NECAP2: variants seen among roughly 807,000 people sequenced by gnomAD.
The protein encoded by NECAP2 is NECAP endocytosis associated 2, also known as adaptin ear-binding coat-associated protein 2.
NECAP2 carries 38 observed loss-of-function variants against 37.8 expected under a neutral mutation model. The observed-to-expected ratio is 1.01, with a 90% confidence interval of 0.78 to 1.32. NECAP2 has a LOEUF of 1.32. Among genes scored for constraint, NECAP2 ranks in the 40% most tolerant of loss-of-function variants. The pLI is 0.00. For missense variants in NECAP2, 316 were observed against 334.5 expected (o/e 0.94, Z 0.43); for synonymous variants, 121 against 127.7 (o/e 0.95, Z 0.35).
intron 6 of NECAP2, among the ~76,000 whole-genome samples, chr1:16,454,469 C>T (rs2086890423): frequency 6.6e-6 from 1 of 152,160 alleles, no homozygotes. Context: ...AATTCTCCTG[C>T]CTCAGCCTCC....
In NECAP2 at chr1:16,459,205, G is replaced by GC. The variant is rs1557695076; in HGVS notation, c.*321dup. The GC allele has an allele frequency of 1.9e-5, 8 of 413,378 alleles. No individual in the cohort carries two copies. The highest frequency in any genetic ancestry group is 8.2e-5 in the African/African-American group (4 of 48,670). The allele number at this position is 413,378 out of a possible 1,614,324, so 25.6% of individuals were successfully genotyped here. ...TCGCAATGACCTGTATTAAACACAA[G>GC]CCCCCCAAGCAAAAGAAGAGGTTGA... On this transcript the variant is annotated 3_prime_UTR_variant, in exon 8 of 8. Transcript: ENST00000337132.
chr1:16,451,754 C>T (rs1371578688), intron 5 of NECAP2, 84 bp from the exon 6 acceptor site: 3 of 1,487,524 alleles, frequency 2.0e-6, no homozygotes, highest in Non-Finnish European at 2.8e-6. Context: ...GGTCTGGGGT[C>T]ACCTTGGCCC....
At chr1:16,451,535 C>T (rs2086842693) in intron 5 of NECAP2, 2 of 385,756 alleles carry the variant, frequency 5.2e-6, no homozygotes, top group African/African-American at 4.2e-5. Context: ...GTAGTCAATA[C>T]TTGATAATCT....
rs554799099 is a variant in NECAP2 at position 16,452,065 on chromosome 1, C to T, written c.667+50C>T. Reference sequence around the variant, plus strand: ...GCATCAGTACCTGCCGGCTCCTCTTCTCCCTGGCAGCCAGGCCCCATGGTT... The same window carrying T: ...GCATCAGTACCTGCCGGCTCCTCTTTTCCCTGGCAGCCAGGCCCCATGGTT... On this transcript the variant is annotated intron_variant, in intron 6 of 7. Transcript: ENST00000337132. 2.1e-5 allele frequency: 32 copies of T among 1,500,846 alleles called. No homozygotes were observed. In the South Asian group the frequency reaches 4.3e-4, roughly 20 times the overall value. 93.0% of individuals were successfully genotyped at this position (1,500,846 alleles called of 1,614,324 possible).
At chr1:16,446,207 T>C (rs2086759630) in intron 2 of NECAP2, among the ~76,000 whole-genome samples, 1 of 152,148 alleles carries the variant, frequency 6.6e-6, no homozygotes, top group South Asian at 2.1e-4. Flanking sequence ...AAACTCCGTC[T>C]TGGAAAAAAC....
intron 7 of NECAP2, among the ~76,000 whole-genome samples, chr1:16,456,776 C>T (rs1356769572): frequency 6.6e-6 from 1 of 152,222 alleles, no homozygotes; most frequent in African/African-American, 2.4e-5. Flanking sequence ...CTCTGTCACC[C>T]AGGCTGGAGT....
intron 2 of NECAP2, among the ~76,000 whole-genome samples, chr1:16,444,376 AT>A (rs146830749): frequency 0.016 from 2,509 of 152,286 alleles, 60 homozygotes; most frequent in African/African-American, 0.05. Flanking sequence ...GTGCCACAAC[AT>A]TCGGTCATTT....
At chr1:16,455,260 T>G (rs1369730925) in intron 6 of NECAP2, among the ~76,000 whole-genome samples, 1 of 152,164 alleles carries the variant, frequency 6.6e-6, no homozygotes, top group Non-Finnish European at 1.5e-5. Flanking sequence ...CCTACCTTGG[T>G]GGAGAGATAG....
rs1229313506 is a variant in NECAP2, at chr1:16,460,007, G to A, written c.*1117G>A. 1.3e-5 allele frequency: 2 copies of A among 152,152 alleles called. No homozygotes were observed. Among genetic ancestry groups the A allele is most frequent in the Non-Finnish European group, 2.9e-5 (2 of 68,032 alleles). The allele number at this position is 152,152 out of a possible 1,614,324, so 9.4% of individuals were successfully genotyped here. A position where few individuals can be genotyped will look rare whatever the true frequency, so the allele number is the denominator to read the frequency against. On this transcript the variant is annotated 3_prime_UTR_variant, in exon 8 of 8. Transcript: ENST00000337132. ...TTCTTCTTTGAAAGGTCAAGACCGT[G>A]AACTGAAAAAAGTGTTGGCCTTTTT...
chr1:16,452,680 G>C (rs1391189819), intron 6 of NECAP2, among the ~76,000 whole-genome samples: 1 of 152,136 alleles, frequency 6.6e-6, no homozygotes, highest in African/African-American at 2.4e-5. Context: ...GGAGCCCTTA[G>C]GAGACCCTGG....
chr1:16,451,568 C>T (rs954425414), intron 5 of NECAP2: 2 of 466,730 alleles, frequency 4.3e-6, no homozygotes, highest in African/African-American at 2.0e-5. Context: ...TTCTGGTGAG[C>T]GTGTAATGGT....
chr1:16,454,520 T>A (rs1016120986), intron 6 of NECAP2, among the ~76,000 whole-genome samples: 1 of 151,932 alleles, frequency 6.6e-6, no homozygotes, highest in African/African-American at 2.4e-5. Context: ...CATACCTGGC[T>A]AATTTTTGTA....
At chr1:16,442,088 C>T (rs184483715) in intron 1 of NECAP2, among the ~76,000 whole-genome samples, 2 of 151,866 alleles carry the variant, frequency 1.3e-5, no homozygotes, top group East Asian at 3.9e-4. Context: ...AAGCGATTCT[C>T]CTGCCTCAGC....
In NECAP2 at chr1:16,459,042, G is replaced by A; in HGVS notation, c.*152G>A. ...CTGGCTCTGTTGACAAACCGGGCAT[G>A]TTTGGCAGTAAATTGGCACCGTGTC... On this transcript the variant is annotated 3_prime_UTR_variant, in exon 8 of 8. Transcript: ENST00000337132. The A allele has an allele frequency of 6.5e-7, 1 of 1,527,206 alleles. No individual in the cohort carries two copies. Among genetic ancestry groups the A allele is most frequent in the Non-Finnish European group, 8.8e-7 (1 of 1,135,052 alleles). The allele number at this position is 1,527,206 out of a possible 1,614,324, so 94.6% of individuals were successfully genotyped here.
intron 6 of NECAP2, among the ~76,000 whole-genome samples, chr1:16,454,465 C>T (rs2086890390): frequency 6.6e-6 from 1 of 152,158 alleles, no homozygotes; most frequent in Non-Finnish European, 1.5e-5. Context: ...AAGCAATTCT[C>T]CTGCCTCAGC....
rs569547327 is a variant in NECAP2, at chr1:16,450,565, G to GT, written c.490-1263dup. 1.9e-3 allele frequency: 282 copies of GT among 151,466 alleles called. 2 individuals are homozygous for GT. The highest frequency in any genetic ancestry group is 6.6e-3 in the Middle Eastern group (2 of 304). 9.4% of individuals were successfully genotyped at this position (151,466 alleles called of 1,614,324 possible). A position where few individuals can be genotyped will look rare whatever the true frequency, so the allele number is the denominator to read the frequency against. ...CTTTCTGGCTCATGCTTGGTGCTCA[G>GT]TTTTTTTTTTAAAGCATTTTCTTGA... On this transcript the variant is annotated intron_variant, in intron 5 of 7. Coordinates refer to ENST00000337132, the MANE Select transcript of NECAP2 (RefSeq NM_018090.5).
intron 6 of NECAP2, chr1:16,455,383 C>G (rs1433087429): frequency 5.8e-6 from 1 of 173,910 alleles, no homozygotes; most frequent in Admixed American, 5.7e-5. Flanking sequence ...TTCATCCAGA[C>G]ATGGTAGTGC....
intron 5 of NECAP2, 174 bp downstream of exon 5, chr1:16,449,375 T>G (rs1028011538): frequency 1.8e-6 from 1 of 565,350 alleles, no homozygotes; most frequent in East Asian, 3.0e-5. Flanking sequence ...CTCATGGAGC[T>G]CAGAGTTGAG....
intron 6 of NECAP2, among the ~76,000 whole-genome samples, chr1:16,453,811 T>G (rs2086880543): frequency 6.6e-6 from 1 of 151,810 alleles, no homozygotes; most frequent in Non-Finnish European, 1.5e-5. Context: ...TTAACAGCAT[T>G]TTAATTTTAA....
Sources: gnomAD v4.1 joint callset for allele counts (sites outside exome capture counted in the v4.1 genomes callset) on GRCh38, gnomAD v4.1.1 for gene constraint, MANE v1.5 for transcripts, NCBI Gene and HGNC (gene_info 2026-07-23, HGNC 2026-07-21) for gene names.